The following RAB10 variants were observed in gnomAD, a reference collection of about 807,000 sequenced individuals.
RAB10 encodes ras-related protein Rab-10.
RAB10 carries 5 observed loss-of-function variants against 25.7 expected under a neutral mutation model. The observed-to-expected ratio is 0.19, with a 90% confidence interval of 0.10 to 0.41. RAB10 has a LOEUF of 0.41. Ranked by LOEUF, RAB10 falls within the 10% of genes least tolerant of loss-of-function variation. The pLI, the probability that RAB10 is intolerant of heterozygous loss-of-function variation, is 1.00. For synonymous variants in RAB10, 89 were observed against 86.4 expected, an observed-to-expected ratio of 1.03 and a Z score of -0.16; for missense variants, 103 against 245.8, an observed-to-expected ratio of 0.42 and a Z score of 3.89.
Position 26,046,637 on chromosome 2 carries a change from G to A in RAB10, c.127+11902G>A, listed in dbSNP as rs542252912. Among the ~76,000 whole-genome samples, 71 of 152,068 alleles carry A rather than the reference G, an allele frequency of 4.7e-4. 2 individuals are homozygous for A. In the South Asian group the frequency reaches 0.013, roughly 27 times the overall value. ...TCGCCATGTTACCCAGGCTGGTTTCGAACTCCTAGGCTCAATCAGTACTCC... is the reference window on the plus strand; with the variant it reads ...TCGCCATGTTACCCAGGCTGGTTTCAAACTCCTAGGCTCAATCAGTACTCC... On this transcript the variant is annotated intron_variant, in intron 1 of 5. Transcript: ENST00000264710.
chr2:26,093,378 A>G (rs1667148452), intron 1 of RAB10, among the ~76,000 whole-genome samples: 1 of 152,202 alleles, frequency 6.6e-6, no homozygotes, highest in Non-Finnish European at 1.5e-5. Context: ...TCTGCCATGG[A>G]AAGACAATGT....
At chr2:26,048,786 G>T (rs1187441513) in intron 1 of RAB10, among the ~76,000 whole-genome samples, 2 of 152,144 alleles carry the variant, frequency 1.3e-5, no homozygotes, top group African/African-American at 4.8e-5. Flanking sequence ...GAGATGGGAG[G>T]ATCAGCTGAG....
chr2:26,077,879 T>C (rs1666772538), intron 1 of RAB10, among the ~76,000 whole-genome samples: 1 of 152,126 alleles, frequency 6.6e-6, no homozygotes, highest in Non-Finnish European at 1.5e-5. Context: ...CTCAGGAGAC[T>C]GAGGCAGGAG....
At chr2:26,075,884 A>G (rs1188109889) in intron 1 of RAB10, among the ~76,000 whole-genome samples, 5 of 152,104 alleles carry the variant, frequency 3.3e-5, no homozygotes, top group Admixed American at 2.6e-4. Flanking sequence ...GTTAGGAGAT[A>G]AGTAAGCAGG....
At chr2:26,118,443 G>A (rs1389771647) in intron 3 of RAB10, among the ~76,000 whole-genome samples, 1 of 150,988 alleles carries the variant, frequency 6.6e-6, no homozygotes, top group Non-Finnish European at 1.5e-5. Context: ...AAGGCCGGGG[G>A]TGGGGTGGGG....
intron 2 of RAB10, among the ~76,000 whole-genome samples, chr2:26,100,349 C>T (rs1667317748): frequency 6.6e-6 from 1 of 152,084 alleles, no homozygotes; most frequent in African/African-American, 2.4e-5. Context: ...AAAATTATTC[C>T]CTGACAGTCT....
chr2:26,040,185 T>C (rs1665854497), intron 1 of RAB10, among the ~76,000 whole-genome samples: 1 of 152,146 alleles, frequency 6.6e-6, no homozygotes, highest in Admixed American at 6.6e-5. Flanking sequence ...TAAATCTCAC[T>C]CTGTCACCCA....
intron 1 of RAB10, among the ~76,000 whole-genome samples, chr2:26,089,422 CAAA>C (rs11315031): frequency 2.8e-4 from 36 of 128,430 alleles, no homozygotes; most frequent in African/African-American, 3.5e-4. Flanking sequence ...GACTCTGTCT[CAAA>C]AAAAAAAAAA....
At chr2:26,065,868 A>G (rs1038174020) in intron 1 of RAB10, among the ~76,000 whole-genome samples, 1 of 152,192 alleles carries the variant, frequency 6.6e-6, no homozygotes, top group African/African-American at 2.4e-5. Flanking sequence ...GTTATGAGTA[A>G]TGTATACTCC....
rs61754189 is a variant in RAB10 at position 26,127,918 on chromosome 2, G to T, written c.486G>T (p.Ala162=). ...AAGCAAATATAAACATCGAAAAGGCGTTCCTCACGTTAGCTGAAGATATCC... is the reference window on the plus strand; with the variant it reads ...AAGCAAATATAAACATCGAAAAGGCTTTCCTCACGTTAGCTGAAGATATCC... ...SAKANINIEK[A]FLTLAEDILR... Residue 162 remains alanine, a synonymous_variant, in exon 5 of 6, where the codon GCG becomes GCT. Transcript: ENST00000264710. 15,173 of 1,608,270 alleles carry T rather than the reference G, an allele frequency of 9.4e-3. 100 individuals carry two copies. Among genetic ancestry groups the T allele is most frequent in the Non-Finnish European group, 0.011 (13,376 of 1,174,660 alleles).
In RAB10 at chr2:26,034,532, G is replaced by T; in HGVS notation, c.-77G>T. The T allele has an allele frequency of 6.3e-7, 1 of 1,586,872 alleles. No individual in the cohort carries two copies. The highest frequency in any genetic ancestry group is 8.6e-7 in the Non-Finnish European group (1 of 1,164,764). ...CCGGTCCTCCGGCCTGAGAACGCCC[G>T]AGTGAGGAGTTGGCCGTAGTGAGAG... On this transcript the variant is annotated 5_prime_UTR_variant, in exon 1 of 6. Transcript: ENST00000264710.
chr2:26,110,997 C>A (rs1331145571), intron 3 of RAB10, among the ~76,000 whole-genome samples: 1 of 152,190 alleles, frequency 6.6e-6, no homozygotes, highest in Non-Finnish European at 1.5e-5. Context: ...TGAGCCACTG[C>A]ACCCAGCCTG....
intron 1 of RAB10, among the ~76,000 whole-genome samples, chr2:26,068,956 CTGA>C (rs1291362845): frequency 4.6e-5 from 7 of 152,216 alleles, no homozygotes; most frequent in Non-Finnish European, 8.8e-5. Flanking sequence ...TCAGGAACTA[CTGA>C]TGCACTGCCT....
chr2:26,098,167 T>A (rs1051122379), intron 1 of RAB10, among the ~76,000 whole-genome samples: 1 of 142,546 alleles, frequency 7.0e-6, no homozygotes, highest in Non-Finnish European at 1.5e-5. Context: ...TTGCCCAGGC[T>A]CAAGTGCAGT....
intron 2 of RAB10, among the ~76,000 whole-genome samples, chr2:26,103,526 T>C (rs1667387228): frequency 6.6e-6 from 1 of 152,170 alleles, no homozygotes; most frequent in Admixed American, 6.6e-5. Flanking sequence ...TTATTGGAAG[T>C]TTTCTGTTTT....
chr2:26,117,750 G>C (rs1364988830), intron 3 of RAB10, among the ~76,000 whole-genome samples: 1 of 152,100 alleles, frequency 6.6e-6, no homozygotes, highest in Non-Finnish European at 1.5e-5. Flanking sequence ...GACCTGAGGA[G>C]ATGAGAAGTT....
chr2:26,110,280 A>G (rs901008975), intron 3 of RAB10, among the ~76,000 whole-genome samples: 1 of 149,790 alleles, frequency 6.7e-6, no homozygotes, highest in African/African-American at 2.5e-5. Flanking sequence ...AGAGGTTGCA[A>G]TGAGCCAAGA....
chr2:26,109,958 G>T, intron 3 of RAB10, 52 bp downstream of exon 3: 1 of 1,435,630 alleles, frequency 7.0e-7, no homozygotes, highest in Non-Finnish European at 9.3e-7. Context: ...TTGTGTGCTT[G>T]GTTAGGAAGA....
intron 1 of RAB10, among the ~76,000 whole-genome samples, chr2:26,046,280 A>G (rs1355580639): frequency 6.6e-6 from 1 of 152,030 alleles, no homozygotes; most frequent in African/African-American, 2.4e-5. Flanking sequence ...AGCCGAGATC[A>G]CGTCATTGCA....
Sources: gnomAD v4.1 joint callset for allele counts (sites outside exome capture counted in the v4.1 genomes callset) on GRCh38, gnomAD v4.1.1 for gene constraint, MANE v1.5 for transcripts, NCBI Gene and HGNC (gene_info 2026-07-23, HGNC 2026-07-21) for gene names.